Variants in PROM1 observed in about 807,000 individuals in gnomAD.
PROM1 encodes prominin-1.
In PROM1, 105 loss-of-function variants were observed where a neutral mutation model predicts 116.9. The ratio of observed to expected loss-of-function variants is 0.90; its 90% CI spans 0.77 to 1.06. The LOEUF is 1.06. Ranked by LOEUF, PROM1 falls within the 50% of genes least tolerant of loss-of-function variation. The pLI is 0.00. For missense variants in PROM1, 1,122 were observed against 1,045.2 expected, an observed-to-expected ratio of 1.07 and a Z score of -1.01; for synonymous variants, 393 against 387.0, an observed-to-expected ratio of 1.02 and a Z score of -0.18.
intron 13 of PROM1, among the ~76,000 whole-genome samples, chr4:16,004,836 C>CT (rs1560460117): frequency 1.2e-4 from 7 of 57,596 alleles, no homozygotes; most frequent in African/African-American, 2.9e-4. Context: ...TCTTTTTCTT[C>CT]CTTCCTTCCT....
At chr4:16,000,220 C>T (rs1218300594) in intron 14 of PROM1, among the ~76,000 whole-genome samples, 1 of 152,196 alleles carries the variant, frequency 6.6e-6, no homozygotes, top group African/African-American at 2.4e-5. Flanking sequence ...TACTGCAATC[C>T]ACATTGAGCG....
intron 2 of PROM1, among the ~76,000 whole-genome samples, chr4:16,053,614 G>A (rs6824138): frequency 0.024 from 3,713 of 152,246 alleles, 152 homozygotes; most frequent in African/African-American, 0.085. Context: ...AGAAATGCAC[G>A]CTGTGGTGGG....
intron 15 of PROM1, among the ~76,000 whole-genome samples, 167 bp from the exon 16 acceptor site, chr4:15,994,238 A>G (rs1290374099): frequency 6.6e-6 from 1 of 152,186 alleles, no homozygotes; most frequent in Non-Finnish European, 1.5e-5. Context: ...AGCACCCACC[A>G]CTTCTGACTT....
At position 16,018,367 on chromosome 4, in the gene PROM1, T is replaced by C. The variant is rs1043647793; in HGVS notation, c.958A>G (p.Arg320Gly). ...CTATTCAGCTGGCTTAGAGACAATC[T>C]GATGCTGTTGCAGGTTTCACTTGAT... is the stretch of plus-strand genomic sequence containing the variant. The part of the protein sequence containing the change: ...HPSSETCNSI[R>G]LSLSQLNSNP... The change falls in exon 9 of 28, where the codon AGA becomes GGA. Residue 320 changes from arginine to glycine, a missense_variant. Physicochemically the swap from Arg to Gly is moderately radical, Grantham distance 125 (BLOSUM62 -2). Transcript: ENST00000447510. 6.2e-7 allele frequency: 1 copy of C among 1,613,714 alleles called. No individual in the cohort carries two copies. Among genetic ancestry groups the C allele is most frequent in the Admixed American group, 1.7e-5 (1 of 60,032 alleles).
At chr4:16,024,231 T>A (rs1477428077) in intron 7 of PROM1, 64 bp downstream of exon 7, 7 of 1,405,854 alleles carry the variant, frequency 5.0e-6, no homozygotes, top group Non-Finnish European at 7.0e-6. Context: ...TCTTAGTCCA[T>A]GTTTTATGGG....
intron 3 of PROM1, 136 bp downstream of exon 3, chr4:16,038,810 A>C: frequency 1.1e-6 from 1 of 891,756 alleles, no homozygotes; most frequent in Non-Finnish European, 1.6e-6. Flanking sequence ...TCAATATTCC[A>C]TGAAAGTTCT....
intron 13 of PROM1, among the ~76,000 whole-genome samples, chr4:16,001,766 C>G (rs1383390773): frequency 1.3e-5 from 2 of 152,124 alleles, no homozygotes; most frequent in African/African-American, 2.4e-5. Flanking sequence ...GATCACTCCT[C>G]TGAGAGCCTG....
Position 16,016,262 on chromosome 4 carries a change from T to A in PROM1, c.1003-22A>T, listed in dbSNP as rs139736530. The A allele has an allele frequency of 0.027, 41,124 of 1,535,762 alleles. 661 individuals are homozygous for A. The highest frequency in any genetic ancestry group is 0.032 in the Non-Finnish European group (36,437 of 1,135,496). ...GAAGCTGAAAATTTATAAAACAAAA[T>A]ATAAGACAAGGTTGTTACCTTCAAA... On this transcript the variant is annotated intron_variant, in intron 9 of 27. Coordinates refer to ENST00000447510, the MANE Select transcript of PROM1 (RefSeq NM_006017.3).
At chr4:16,006,410 C>T (rs371912583) in intron 13 of PROM1, 128 bp downstream of exon 13, 15 of 1,151,174 alleles carry the variant, frequency 1.3e-5, no homozygotes, top group South Asian at 1.3e-4. Context: ...CTCTCCTCCT[C>T]GCGACCTGGG....
rs1286013644 is a variant in PROM1 at position 15,986,031 on chromosome 4, C to T, written c.2137G>A (p.Val713Ile). 2 of 1,567,528 alleles carry T rather than the reference C, an allele frequency of 1.3e-6. No homozygotes were observed. The highest frequency in any genetic ancestry group is 2.3e-5 in the East Asian group (1 of 43,992). ...QRTGNGLLER[V>I]TRILASLDFA... ...TCCAGAGAAGCTAGAATCCTAGTTACTCTCTCCTGAAAGACACAGCCACAG... is the reference window on the plus strand; with the variant it reads ...TCCAGAGAAGCTAGAATCCTAGTTATTCTCTCCTGAAAGACACAGCCACAG... Residue 713 changes from valine (V) to isoleucine (I), a missense_variant, in exon 21 of 28, where the codon GTA becomes ATA. Coordinates refer to ENST00000447510, the MANE Select transcript of PROM1 (RefSeq NM_006017.3).
At chr4:16,021,591 A>G (rs1729900877) in intron 8 of PROM1, among the ~76,000 whole-genome samples, 2 of 152,226 alleles carry the variant, frequency 1.3e-5, no homozygotes, top group African/African-American at 4.8e-5. Context: ...TCAATATTGC[A>G]AACGCACTGA....
chr4:16,077,187 T>C (rs1744147464), intron 1 of PROM1, among the ~76,000 whole-genome samples: 3 of 152,334 alleles, frequency 2.0e-5, no homozygotes, highest in Middle Eastern at 3.4e-3. Flanking sequence ...GGCAATGGAA[T>C]GTCTCGGTAT....
intron 1 of PROM1, among the ~76,000 whole-genome samples, chr4:16,077,900 C>G (rs1578344524): frequency 6.6e-6 from 1 of 152,240 alleles, no homozygotes; most frequent in Non-Finnish European, 1.5e-5. Context: ...CTCTCCACCT[C>G]ACCCCGAATC....
In PROM1 at chr4:16,061,586, T is replaced by A. The variant is rs375689596; in HGVS notation, c.220+14101A>T. On this transcript the variant is annotated intron_variant, in intron 2 of 27. Transcript: ENST00000447510. ...CATGGCTGTGCTCTGTCCCTCCCCATGAGGTGACCACTCTGTCGGATGCTC... is the reference window on the plus strand; with the variant it reads ...CATGGCTGTGCTCTGTCCCTCCCCAAGAGGTGACCACTCTGTCGGATGCTC... Among the ~76,000 whole-genome samples the A allele has an allele frequency of 3.3e-5, 5 of 152,324 alleles. No individual in the cohort carries two copies. The East Asian group carries it at 9.7e-4, about 29-fold the overall frequency.
Position 16,005,977 on chromosome 4 carries a change from G to C in PROM1, c.1454+561C>G, listed in dbSNP as rs4466038. The stretch of plus-strand genomic sequence containing the variant: ...CAATGTCTTTGAAGCAGGGACAGTC[G>C]CTCCAGTCTTCTGCCGCAGGCATAC... On this transcript the variant is annotated intron_variant, in intron 13 of 27. Coordinates refer to ENST00000447510, the MANE Select transcript of PROM1 (RefSeq NM_006017.3). Among the ~76,000 whole-genome samples, 4 of 152,240 alleles carry C rather than the reference G, an allele frequency of 2.6e-5. No individual in the cohort carries two copies. The East Asian group carries it at 7.7e-4, about 29-fold the overall frequency.
chr4:16,066,410 CTAT>C (rs1741543226), intron 2 of PROM1, among the ~76,000 whole-genome samples: 1 of 152,132 alleles, frequency 6.6e-6, no homozygotes, highest in African/African-American at 2.4e-5. Flanking sequence ...AAAGCAGGTA[CTAT>C]TATTATCATT....
At chr4:15,979,210 G>A (rs577091415) in intron 26 of PROM1, among the ~76,000 whole-genome samples, 185 bp downstream of exon 26, 2 of 152,232 alleles carry the variant, frequency 1.3e-5, no homozygotes, top group Admixed American at 1.3e-4. Flanking sequence ...TTTAGAAATC[G>A]ACTGAACATT....
intron 19 of PROM1, 94 bp downstream of exon 19, chr4:15,989,638 G>T: frequency 9.5e-7 from 1 of 1,054,574 alleles, no homozygotes; most frequent in Non-Finnish European, 1.4e-6. Flanking sequence ...ACCTATGAGA[G>T]ATGAGCATGT....
intron 2 of PROM1, among the ~76,000 whole-genome samples, chr4:16,057,845 C>G (rs1248477086): frequency 6.6e-6 from 1 of 152,094 alleles, no homozygotes; most frequent in African/African-American, 2.4e-5. Flanking sequence ...AACAGGAGCT[C>G]CATAGAGTCA....
Sources: gnomAD v4.1 joint callset for allele counts (sites outside exome capture counted in the v4.1 genomes callset) on GRCh38, gnomAD v4.1.1 for gene constraint, MANE v1.5 for transcripts, NCBI Gene and HGNC (gene_info 2026-07-23, HGNC 2026-07-21) for gene names.